Variants in KHDRBS2 observed in about 807,000 individuals in gnomAD.
The protein encoded by KHDRBS2 is KH RNA binding domain containing, signal transduction associated 2.
In KHDRBS2, 26 loss-of-function variants were observed where a neutral mutation model predicts 44.3. The ratio of observed to expected loss-of-function variants is 0.59; its 90% CI spans 0.43 to 0.81. The LOEUF (loss-of-function observed/expected upper bound fraction) is 0.81, where lower values mean the gene tolerates loss of function less well. Among genes scored for constraint, KHDRBS2 ranks in the 40% least tolerant of loss-of-function variants. KHDRBS2 has a pLI of 0.00. For synonymous variants in KHDRBS2, 194 were observed against 151.1 expected (o/e 1.28, Z -2.08); for missense variants, 476 against 433.1 (o/e 1.10, Z -0.88).
chr6:62,228,666 T>C (rs911522379), intron 1 of KHDRBS2, among the ~76,000 whole-genome samples: 1 of 152,204 alleles, frequency 6.6e-6, no homozygotes, highest in African/African-American at 2.4e-5. Context: ...TATGTGGGCA[T>C]TTACTGCTAT....
intron 2 of KHDRBS2, 38 bp downstream of exon 2, chr6:62,177,146 TA>T: frequency 8.4e-7 from 1 of 1,195,338 alleles, no homozygotes; most frequent in Non-Finnish European, 1.2e-6. Flanking sequence ...TTATCATTTC[TA>T]AATCAATTAT....
intron 3 of KHDRBS2, among the ~76,000 whole-genome samples, chr6:62,010,300 T>C (rs149337757): frequency 7.6e-4 from 115 of 152,292 alleles, no homozygotes; most frequent in Non-Finnish European, 1.3e-3. Context: ...TTCTCCCATT[T>C]GGAATGCCTG....
the KHDRBS2 span, among the ~76,000 whole-genome samples, chr6:61,548,881 G>C: frequency 6.6e-6 from 1 of 152,086 alleles, no homozygotes; most frequent in African/African-American, 2.4e-5. Context: ...CCACTCAGGA[G>C]AGTAGGCTGC....
chr6:61,870,292 C>T (rs556925287), intron 6 of KHDRBS2, among the ~76,000 whole-genome samples: 15 of 152,242 alleles, frequency 9.9e-5, no homozygotes, highest in South Asian at 2.1e-4. Flanking sequence ...TCGAACGGGA[C>T]GGAGCCCACG....
intron 6 of KHDRBS2, among the ~76,000 whole-genome samples, chr6:61,880,294 A>G (rs746508688): frequency 1.3e-5 from 2 of 151,942 alleles, no homozygotes; most frequent in African/African-American, 4.8e-5. Flanking sequence ...AAAAAAATAC[A>G]AAATATAGCT....
At chr6:61,844,195 C>T (rs938903453) in intron 6 of KHDRBS2, among the ~76,000 whole-genome samples, 4 of 152,090 alleles carry the variant, frequency 2.6e-5, no homozygotes, top group African/African-American at 9.7e-5. Context: ...CAAAATATAT[C>T]ATTACCTTTC....
the KHDRBS2 span, among the ~76,000 whole-genome samples, chr6:61,619,230 C>T: frequency 5.9e-5 from 9 of 151,932 alleles, no homozygotes; most frequent in East Asian, 1.9e-4. Flanking sequence ...TAGTGTACAT[C>T]GTGTAGTTTT....
chr6:61,979,871 A>G (rs1284562269), intron 3 of KHDRBS2, among the ~76,000 whole-genome samples: 1 of 152,160 alleles, frequency 6.6e-6, no homozygotes, highest in African/African-American at 2.4e-5. Context: ...TAATTAAATC[A>G]GAGATTTCTT....
At position 62,060,192 on chromosome 6, in the gene KHDRBS2, G is replaced by C. The variant is rs576959275; in HGVS notation, c.220-12198C>G. On this transcript the variant is annotated intron_variant, in intron 2 of 8. Transcript: ENST00000281156. ...TAATTCGTTTTGAAGGGGTGATATAGAAAAAAATATTCAGGCACTTATTGA... is the reference window on the plus strand; with the variant it reads ...TAATTCGTTTTGAAGGGGTGATATACAAAAAAATATTCAGGCACTTATTGA... Among the ~76,000 whole-genome samples, 13 of 151,752 alleles carry C rather than the reference G, an allele frequency of 8.6e-5. No individual in the cohort carries two copies. The South Asian group carries it at 2.5e-3, about 29-fold the overall frequency.
intron 4 of KHDRBS2, among the ~76,000 whole-genome samples, chr6:61,926,270 T>C (rs1808957641): frequency 1.3e-5 from 2 of 152,050 alleles, no homozygotes; most frequent in South Asian, 4.1e-4. Context: ...AGATGAGTGG[T>C]GTATAGGACT....
chr6:61,711,390 A>G (rs1006626521), intron 7 of KHDRBS2, among the ~76,000 whole-genome samples: 1 of 151,874 alleles, frequency 6.6e-6, no homozygotes, highest in Non-Finnish European at 1.5e-5. Context: ...TATTCAAAAG[A>G]TAGTTCAAAA....
Position 61,945,112 on chromosome 6 carries a change from A to AT in KHDRBS2, c.483+32953_483+32954insA, listed in dbSNP as rs1491476068. ...TCTTAAAAAAAAAAAAAAAAAAAAA[A>AT]GTATATATATATATATATATATATA... On this transcript the variant is annotated intron_variant, in intron 4 of 8. Coordinates refer to ENST00000281156, the MANE Select transcript of KHDRBS2 (RefSeq NM_152688.4). Among the ~76,000 whole-genome samples, 158 of 48,402 alleles carry AT rather than the reference A, an allele frequency of 3.3e-3. 18 individuals are homozygous for AT. Among genetic ancestry groups the AT allele is most frequent in the East Asian group, 0.026 (31 of 1,180 alleles). The allele number at this position is 48,402 out of a possible 152,430, so 31.8% of individuals were successfully genotyped here. A position where few individuals can be genotyped will look rare whatever the true frequency, so the allele number is the denominator to read the frequency against.
At chr6:61,607,478 T>C in the KHDRBS2 span, among the ~76,000 whole-genome samples, 5 of 96,984 alleles carry the variant, frequency 5.2e-5, no homozygotes, top group East Asian at 1.5e-3. Flanking sequence ...TAAAAATAAA[T>C]TACATTAGAC....
At chr6:61,544,044 G>A in the KHDRBS2 span, among the ~76,000 whole-genome samples, 57 of 151,948 alleles carry the variant, frequency 3.8e-4, no homozygotes, top group Admixed American at 1.4e-3. Flanking sequence ...GTATTTGATA[G>A]CCCAATAATG....
intron 2 of KHDRBS2, among the ~76,000 whole-genome samples, chr6:62,145,246 G>A (rs936658610): frequency 6.1e-5 from 9 of 148,258 alleles, no homozygotes; most frequent in Admixed American, 5.3e-4. Flanking sequence ...CATTCCTACT[G>A]CTTTCTCTTT....
At chr6:62,044,029 T>C (rs1440067349) in intron 3 of KHDRBS2, among the ~76,000 whole-genome samples, 1 of 152,138 alleles carries the variant, frequency 6.6e-6, no homozygotes, top group Non-Finnish European at 1.5e-5. Context: ...AGCATAATAT[T>C]GAATCTATTC....
chr6:61,859,403 A>G lies in KHDRBS2; in HGVS notation c.810+35232T>C, dbSNP rs561944511. 2.0e-5 allele frequency among the ~76,000 whole-genome samples: 3 copies of G among 152,026 alleles called. No homozygotes were observed. The South Asian group carries it at 6.2e-4, about 32-fold the overall frequency. On this transcript the variant is annotated intron_variant, in intron 6 of 8. Transcript: ENST00000281156. ...TGACACATTAGTGGGTAAATAGGAA[A>G]TATATATTGTTTAAGAGATAAACAC... is the stretch of plus-strand genomic sequence containing the variant.
At position 61,941,521 on chromosome 6, in the gene KHDRBS2, G is replaced by A. The variant is rs969455482; in HGVS notation, c.483+36545C>T. Reference sequence around the variant, plus strand: ...TACCCTGCAGCCCAAAGACAGACATGCTTAACCCACCACCTCCACCACTAG... The same window carrying A: ...TACCCTGCAGCCCAAAGACAGACATACTTAACCCACCACCTCCACCACTAG... On this transcript the variant is annotated intron_variant, in intron 4 of 8. Transcript: ENST00000281156. 2.5e-4 allele frequency among the ~76,000 whole-genome samples: 38 copies of A among 152,048 alleles called. 1 individual carries two copies.
intron 3 of KHDRBS2, among the ~76,000 whole-genome samples, chr6:62,031,210 C>T (rs374164423): frequency 3.9e-4 from 60 of 152,084 alleles, no homozygotes; most frequent in Non-Finnish European, 6.6e-4. Context: ...ATTAATCACC[C>T]GCTAACTAAA....
Sources: allele counts gnomAD v4.1 joint callset (sites outside exome capture counted in the v4.1 genomes callset), GRCh38; gene constraint gnomAD v4.1.1; transcripts MANE v1.5; gene names NCBI Gene and HGNC (gene_info 2026-07-23, HGNC 2026-07-21).